The following PTPRD variants were observed in gnomAD, a reference collection of about 807,000 sequenced individuals.
PTPRD encodes the protein protein tyrosine phosphatase receptor type D, also known as receptor-type tyrosine-protein phosphatase delta.
PTPRD carries 34 observed loss-of-function variants against 214.5 expected under a neutral mutation model. That is an observed-to-expected ratio of 0.16 (90% CI 0.12 to 0.21). The LOEUF (loss-of-function observed/expected upper bound fraction) is 0.21, where lower values mean the gene tolerates loss of function less well. PTPRD is among the 10% of genes least tolerant of loss of function. The pLI, the probability that PTPRD is intolerant of heterozygous loss-of-function variation, is 1.00. For synonymous variants in PTPRD, 1,128 were observed against 845.7 expected, an observed-to-expected ratio of 1.33 and a Z score of -5.79; for missense variants, 2,545 against 2,398.7, an observed-to-expected ratio of 1.06 and a Z score of -1.27.
At chr9:9,935,897 A>C (rs1386477497) in intron 5 of PTPRD, among the ~76,000 whole-genome samples, 2 of 150,512 alleles carry the variant, frequency 1.3e-5, no homozygotes, top group Admixed American at 6.6e-5. Flanking sequence ...TCAATGGAAC[A>C]GAACAGAGCC....
At chr9:10,376,460 A>T (rs916991356) in intron 2 of PTPRD, among the ~76,000 whole-genome samples, 13 of 151,726 alleles carry the variant, frequency 8.6e-5, no homozygotes, top group Admixed American at 6.6e-5. Flanking sequence ...AGGGGCCTCA[A>T]AATTCATTCT....
At chr9:8,329,956 G>C in intron 44 of PTPRD, among the ~76,000 whole-genome samples, 1 of 55,338 alleles carries the variant, frequency 1.8e-5, no homozygotes, top group African/African-American at 5.0e-4. Flanking sequence ...GGGCTCTGTG[G>C]GAGTGGATCG....
At chr9:9,495,086 T>C (rs115687583) in intron 8 of PTPRD, among the ~76,000 whole-genome samples, 1,618 of 152,156 alleles carry the variant, frequency 0.011, 22 homozygotes, top group African/African-American at 0.037. Context: ...TTTCAATAAA[T>C]GGTACTGGGA....
intron 14 of PTPRD, among the ~76,000 whole-genome samples, chr9:8,590,218 AG>A (rs2093993923): frequency 6.6e-6 from 1 of 152,182 alleles, no homozygotes; most frequent in Non-Finnish European, 1.5e-5. Flanking sequence ...TCCTTAAGCT[AG>A]GGTTGAAAAT....
intron 4 of PTPRD, among the ~76,000 whole-genome samples, chr9:9,993,794 T>C (rs1270032863): frequency 6.6e-6 from 1 of 152,166 alleles, no homozygotes; most frequent in Non-Finnish European, 1.5e-5. Context: ...TCTGTTATAC[T>C]TGAATTAAGA....
At chr9:10,078,308 C>T (rs1438308089) in intron 3 of PTPRD, among the ~76,000 whole-genome samples, 3 of 146,148 alleles carry the variant, frequency 2.1e-5, no homozygotes, top group African/African-American at 5.1e-5. Context: ...GTCAGAAGTT[C>T]GAGACCAGCC....
chr9:8,873,479 G>T (rs150629945), intron 11 of PTPRD, among the ~76,000 whole-genome samples: 14 of 152,196 alleles, frequency 9.2e-5, no homozygotes, highest in African/African-American at 3.4e-4. Context: ...ATGATACCTG[G>T]CACATAACAG....
chr9:10,121,820 C>T (rs2154248995), intron 3 of PTPRD, among the ~76,000 whole-genome samples: 1 of 151,956 alleles, frequency 6.6e-6, no homozygotes, highest in Middle Eastern at 3.4e-3. Flanking sequence ...GATTTTTTTC[C>T]CTCCAACCAT....
chr9:8,685,735 G>A (rs1021323733), intron 12 of PTPRD, among the ~76,000 whole-genome samples: 3 of 152,080 alleles, frequency 2.0e-5, no homozygotes, highest in African/African-American at 7.2e-5. Context: ...CCACAGAAGA[G>A]GTACAGGCCG....
chr9:8,546,075 C>T lies in PTPRD; in HGVS notation c.353-17296G>A, dbSNP rs181668390. ...TAACATCTGAGATGCTTCACTTAAC[C>T]GACCACATAGTGTTGCTTTCATCTG... On this transcript the variant is annotated intron_variant, in intron 14 of 45. Transcript: ENST00000381196. Among the ~76,000 whole-genome samples, 10 of 152,264 alleles carry T rather than the reference C, an allele frequency of 6.6e-5. No individual in the cohort carries two copies. The South Asian group carries it at 1.9e-3, about 28-fold the overall frequency.
In PTPRD at chr9:8,743,960, C is replaced by A. The variant is rs1165487752; in HGVS notation, c.-103-10014G>T. On this transcript the variant is annotated intron_variant, in intron 11 of 45. Transcript: ENST00000381196. ...TCAGCAAGAAAAAAAAAATCACATC[C>A]AAAAGTGGGCTAAGGATATGAACAG... Among the ~76,000 whole-genome samples, 2 of 151,300 alleles carry A rather than the reference C, an allele frequency of 1.3e-5. 1 individual carries two copies. The highest frequency in any genetic ancestry group is 6.8e-3 in the Middle Eastern group (2 of 292).
intron 7 of PTPRD, among the ~76,000 whole-genome samples, chr9:9,651,543 C>G (rs976576711): frequency 6.6e-6 from 1 of 152,098 alleles, no homozygotes; most frequent in African/African-American, 2.4e-5. Context: ...TGACCTCCAG[C>G]TCCATCCATG....
intron 3 of PTPRD, among the ~76,000 whole-genome samples, chr9:10,220,879 T>A (rs1378868130): frequency 6.7e-6 from 1 of 150,334 alleles, no homozygotes; most frequent in Non-Finnish European, 1.5e-5. Flanking sequence ...GCTTGGGAAA[T>A]AGAAGAGAAG....
chr9:8,596,171 C>T (rs975902938), intron 14 of PTPRD, among the ~76,000 whole-genome samples: 2 of 151,406 alleles, frequency 1.3e-5, no homozygotes, highest in African/African-American at 4.9e-5. Context: ...ATATAAAATA[C>T]AAGAAAAAAT....
chr9:8,635,397 A>G (rs1205120741), intron 13 of PTPRD, among the ~76,000 whole-genome samples: 1 of 151,948 alleles, frequency 6.6e-6, no homozygotes, highest in African/African-American at 2.4e-5. Context: ...TCTACATGAC[A>G]CAGGAAACAT....
intron 11 of PTPRD, among the ~76,000 whole-genome samples, chr9:8,999,646 A>G (rs2099410075): frequency 6.6e-6 from 1 of 151,996 alleles, no homozygotes; most frequent in Non-Finnish European, 1.5e-5. Context: ...TTAAAAATAA[A>G]TAATCAGTAT....
At chr9:10,557,474 A>T (rs2062872388) in intron 2 of PTPRD, among the ~76,000 whole-genome samples, 1 of 152,052 alleles carries the variant, frequency 6.6e-6, no homozygotes, top group South Asian at 2.1e-4. Flanking sequence ...GGGCTGCACA[A>T]CTCAGCAAAA....
chr9:9,818,117 G>C (rs1388849450), intron 5 of PTPRD, among the ~76,000 whole-genome samples: 2 of 152,164 alleles, frequency 1.3e-5, no homozygotes, highest in African/African-American at 4.8e-5. Context: ...TGCCCTCTGA[G>C]TATCACTGAC....
At chr9:10,555,944 G>A (rs972815860) in intron 2 of PTPRD, among the ~76,000 whole-genome samples, 2 of 152,092 alleles carry the variant, frequency 1.3e-5, no homozygotes, top group Non-Finnish European at 2.9e-5. Flanking sequence ...AAAATACAGG[G>A]AAATGTATGC....
Sources: allele counts gnomAD v4.1 joint callset (sites outside exome capture counted in the v4.1 genomes callset), GRCh38; gene constraint gnomAD v4.1.1; transcripts MANE v1.5; gene names NCBI Gene and HGNC (gene_info 2026-07-23, HGNC 2026-07-21).